The following PPP3CB variants were observed in gnomAD, a reference collection of about 807,000 sequenced individuals.
PPP3CB encodes protein phosphatase 3 catalytic subunit beta, also known as serine/threonine-protein phosphatase 2B catalytic subunit beta isoform.
Under a neutral mutation model 66.4 loss-of-function variants are expected in PPP3CB, and 8 were observed. That is an observed-to-expected ratio of 0.12 (90% CI 0.07 to 0.22). The LOEUF (loss-of-function observed/expected upper bound fraction) is 0.22, where lower values mean the gene tolerates loss of function less well. PPP3CB is among the 10% of genes least tolerant of loss of function. PPP3CB has a pLI of 1.00. For synonymous variants in PPP3CB, 208 were observed against 221.2 expected, an observed-to-expected ratio of 0.94 and a Z score of 0.53; for missense variants, 319 against 642.5, an observed-to-expected ratio of 0.50 and a Z score of 5.44.
chr10:73,477,916 C>CA (rs11420731), intron 3 of PPP3CB, among the ~76,000 whole-genome samples: 7,021 of 147,354 alleles, frequency 0.048, 501 homozygotes, highest in African/African-American at 0.16. Flanking sequence ...GACCCTGTCT[C>CA]AAAAAAAAAG....
intron 1 of PPP3CB, among the ~76,000 whole-genome samples, chr10:73,481,400 G>A (rs1485907266): frequency 6.6e-6 from 1 of 150,732 alleles, no homozygotes; most frequent in Non-Finnish European, 1.5e-5. Context: ...TAAACCCGGG[G>A]AGGCAGAAGT....
At chr10:73,457,260 GAAAAAAAA>G (rs35129439) in intron 9 of PPP3CB, among the ~76,000 whole-genome samples, 76 of 69,024 alleles carry the variant, frequency 1.1e-3, no homozygotes, top group African/African-American at 1.6e-3. Flanking sequence ...CTCTAAAAAA[GAAAAAAAA>G]AAAAAAAAAA....
intron 1 of PPP3CB, among the ~76,000 whole-genome samples, chr10:73,484,745 G>C (rs1030874088): frequency 6.6e-6 from 1 of 151,732 alleles, no homozygotes; most frequent in African/African-American, 2.4e-5. Flanking sequence ...ATATTTGTTG[G>C]AACAACCTAA....
intron 12 of PPP3CB, among the ~76,000 whole-genome samples, chr10:73,443,250 AAGAGAG>A (rs60288220): frequency 2.2e-5 from 3 of 136,216 alleles, no homozygotes; most frequent in South Asian, 2.3e-4. Flanking sequence ...GAGAGAGAGA[AAGAGAG>A]AGAGAGAGAG....
chr10:73,486,806 G>C (rs1412823684), intron 1 of PPP3CB, among the ~76,000 whole-genome samples: 1 of 152,012 alleles, frequency 6.6e-6, no homozygotes, highest in Non-Finnish European at 1.5e-5. Flanking sequence ...TCTCCACTAA[G>C]GGAAAAAAAA....
rs2056220030 is a variant in PPP3CB, at chr10:73,444,798, T to G, written c.1293A>C (p.Thr431=). The G allele has an allele frequency of 6.2e-7, 1 of 1,613,360 alleles. No homozygotes were observed. Among genetic ancestry groups the G allele is most frequent in the Non-Finnish European group, 8.5e-7 (1 of 1,180,022 alleles). The change falls in exon 12 of 14, where the codon ACA becomes ACC. Residue 431 remains threonine, a synonymous_variant. Transcript: ENST00000360663. The part of the protein sequence containing the change: ...VLREESESVL[T]LKGLTPTGML... Reference sequence around the variant, plus strand: ...TCCCTGTGGGAGTCAGGCCCTTGAGTGTCAGCACACTTTCACTCTCCTCCC... The same window carrying G: ...TCCCTGTGGGAGTCAGGCCCTTGAGGGTCAGCACACTTTCACTCTCCTCCC...
chr10:73,471,547 G>C lies in PPP3CB; in HGVS notation c.590C>G (p.Ala197Gly). Residue 197 changes from alanine (A) to glycine (G), a missense_variant, in exon 5 of 14, where the codon GCT (alanine) becomes GGT (glycine). Around this residue, in one of 5 missense-constraint regions of PPP3CB, gnomAD observed 51 missense variants for 139.6 expected, o/e 0.37. Coordinates refer to ENST00000360663, the MANE Select transcript of PPP3CB (RefSeq NM_021132.4). ...CMEAFDSLPL[A>G]ALLNQQFLCV... ...AAGAAACTGTTGGTTTAAAAGTGCA[G>C]CAAGAGGCAAACTATCAAAAGCTTC... 6.2e-7 allele frequency: 1 copy of C among 1,612,358 alleles called. No homozygotes were observed. Among genetic ancestry groups the C allele is most frequent in the Non-Finnish European group, 8.5e-7 (1 of 1,178,818 alleles).
chr10:73,436,689 T>G lies in PPP3CB; in HGVS notation c.*1553A>C, dbSNP rs577829990. 6.6e-6 allele frequency: 1 copy of G among 152,180 alleles called. No homozygotes were observed. The highest frequency in any genetic ancestry group is 1.5e-5 in the Non-Finnish European group (1 of 68,046). 9.4% of individuals were successfully genotyped at this position (152,180 alleles called of 1,614,324 possible). ...AAGAATTTAATTAATCAAATTACCA[T>G]GAACTATCCACGAGATAATCTCCGG... On this transcript the variant is annotated 3_prime_UTR_variant, in exon 14 of 14. Coordinates refer to ENST00000360663, the MANE Select transcript of PPP3CB (RefSeq NM_021132.4).
At chr10:73,445,427 T>A (rs539192479) in intron 11 of PPP3CB, among the ~76,000 whole-genome samples, 55 of 152,332 alleles carry the variant, frequency 3.6e-4, no homozygotes, top group Non-Finnish European at 1.5e-4. Flanking sequence ...TGTGTTCCCA[T>A]CTTCAGTATA....
chr10:73,446,359 C>T lies in PPP3CB; in HGVS notation c.1268+133G>A, dbSNP rs566086911. ...AGGTGATCCGCCCGCCTTGGCATCCCAAAATGCTGAGATTACAGGAGTGTG... is the reference window on the plus strand; with the variant it reads ...AGGTGATCCGCCCGCCTTGGCATCCTAAAATGCTGAGATTACAGGAGTGTG... On this transcript the variant is annotated intron_variant, in intron 11 of 13. Transcript: ENST00000360663. 7.9e-4 allele frequency: 662 copies of T among 834,912 alleles called. 7 individuals are homozygous for T. In the South Asian group the frequency reaches 9.6e-3, roughly 12 times the overall value. 51.7% of individuals were successfully genotyped at this position (834,912 alleles called of 1,614,324 possible).
At chr10:73,455,543 C>A (rs2056412290) in intron 9 of PPP3CB, among the ~76,000 whole-genome samples, 1 of 152,158 alleles carries the variant, frequency 6.6e-6, no homozygotes, top group Admixed American at 6.5e-5. Context: ...CTCCTTCAGG[C>A]TCTAGATGTC....
At chr10:73,463,177 T>G (rs2056558499) in intron 9 of PPP3CB, among the ~76,000 whole-genome samples, 1 of 152,108 alleles carries the variant, frequency 6.6e-6, no homozygotes, top group Non-Finnish European at 1.5e-5. Context: ...GTCTCACTGA[T>G]TCTACTTCTA....
chr10:73,443,569 T>A (rs1335993547), intron 12 of PPP3CB, among the ~76,000 whole-genome samples: 1 of 152,182 alleles, frequency 6.6e-6, no homozygotes, highest in Non-Finnish European at 1.5e-5. Context: ...CAAAAGTGAC[T>A]ACAAGAAATT....
intron 4 of PPP3CB, 76 bp downstream of exon 4, chr10:73,474,843 C>T (rs979022364): frequency 1.9e-6 from 3 of 1,555,476 alleles, no homozygotes; most frequent in Non-Finnish European, 2.6e-6. Context: ...ACTGTAAAGT[C>T]TTCAAAACTC....
At chr10:73,485,489 T>A (rs114191257) in intron 1 of PPP3CB, among the ~76,000 whole-genome samples, 42 of 152,298 alleles carry the variant, frequency 2.8e-4, no homozygotes, top group African/African-American at 9.9e-4. Flanking sequence ...CTGTGCCAAG[T>A]GAATAACTTG....
chr10:73,488,716 G>A (rs576725842), intron 1 of PPP3CB, among the ~76,000 whole-genome samples: 2 of 152,102 alleles, frequency 1.3e-5, no homozygotes, highest in Non-Finnish European at 2.9e-5. Context: ...TTTAATTTGT[G>A]GTGGTTTTTA....
At chr10:73,450,985 C>T (rs2056335909) in intron 10 of PPP3CB, among the ~76,000 whole-genome samples, 3 of 152,024 alleles carry the variant, frequency 2.0e-5, no homozygotes, top group Admixed American at 2.0e-4. Context: ...AAAATCTTCT[C>T]ATTAGAATAT....
At chr10:73,467,799 G>T in intron 8 of PPP3CB, 121 bp from the exon 9 acceptor site, 1 of 901,970 alleles carries the variant, frequency 1.1e-6, no homozygotes, top group Non-Finnish European at 1.6e-6. Flanking sequence ...GGGGGTGAGT[G>T]GAATCAGGGC....
chr10:73,481,712 A>C (rs2056882859), intron 1 of PPP3CB, among the ~76,000 whole-genome samples: 1 of 151,968 alleles, frequency 6.6e-6, no homozygotes, highest in African/African-American at 2.4e-5. Flanking sequence ...AGGAGAAAAC[A>C]TTAAGGAAGA....
Sources: allele counts gnomAD v4.1 joint callset (sites outside exome capture counted in the v4.1 genomes callset), GRCh38; gene constraint gnomAD v4.1.1; regional missense constraint gnomAD v4.1.1; transcripts MANE v1.5; gene names NCBI Gene and HGNC (gene_info 2026-07-23, HGNC 2026-07-21).